The following SUZ12 variants were observed in gnomAD, a reference collection of about 807,000 sequenced individuals.
The protein encoded by SUZ12 is polycomb protein SUZ12.
Under a neutral mutation model 87.3 loss-of-function variants are expected in SUZ12, and 17 were observed. That is an observed-to-expected ratio of 0.19 (90% CI 0.13 to 0.29). The LOEUF (loss-of-function observed/expected upper bound fraction) is 0.29, where lower values mean the gene tolerates loss of function less well. Among genes scored for constraint, SUZ12 ranks in the 10% least tolerant of loss-of-function variants. SUZ12 has a pLI of 1.00. For synonymous variants in SUZ12, 253 were observed against 312.4 expected (o/e 0.81, Z 2.01); for missense variants, 526 against 912.2 (o/e 0.58, Z 5.45).
At chr17:31,940,576 C>T (rs1906213397) in intron 3 of SUZ12, 90 bp downstream of exon 3, 1 of 1,502,508 alleles carries the variant, frequency 6.7e-7, no homozygotes, top group Non-Finnish European at 8.9e-7. Context: ...AAAAAACGAA[C>T]AAAAATAAGT....
At chr17:31,943,780 A>G (rs1246665959) in intron 3 of SUZ12, among the ~76,000 whole-genome samples, 2 of 151,448 alleles carry the variant, frequency 1.3e-5, no homozygotes, top group African/African-American at 4.9e-5. Context: ...GGCTCACTGC[A>G]GTCTTCGCCT....
chr17:31,969,569 A>G (rs1301931546), intron 5 of SUZ12, among the ~76,000 whole-genome samples: 1 of 152,236 alleles, frequency 6.6e-6, no homozygotes, highest in Non-Finnish European at 1.5e-5. Flanking sequence ...TGCTAGGATT[A>G]TAGGCGTGAG....
chr17:31,962,539 C>T (rs1365201616), intron 4 of SUZ12, among the ~76,000 whole-genome samples: 3 of 152,150 alleles, frequency 2.0e-5, no homozygotes, highest in African/African-American at 4.8e-5. Context: ...TGCAGTGAGC[C>T]TAGATTGTGC....
intron 8 of SUZ12, among the ~76,000 whole-genome samples, chr17:31,978,976 C>T (rs549773343): frequency 2.0e-5 from 3 of 151,778 alleles, no homozygotes; most frequent in South Asian, 4.2e-4. Flanking sequence ...CCTGGTGGTG[C>T]GTGCCTGTAG....
At chr17:31,971,612 T>C (rs965535859) in intron 5 of SUZ12, among the ~76,000 whole-genome samples, 7 of 151,904 alleles carry the variant, frequency 4.6e-5, no homozygotes, top group African/African-American at 7.3e-5. Flanking sequence ...GTATTTTTAG[T>C]AGAGACGGGG....
At position 31,938,138 on chromosome 17, in the gene SUZ12, G is replaced by A. The variant is rs182795647; in HGVS notation, c.274+618G>A. On this transcript the variant is annotated intron_variant, in intron 1 of 15. Coordinates refer to ENST00000322652, the MANE Select transcript of SUZ12 (RefSeq NM_015355.4). ...CCCGGAATTCTGCTTTTTCTACCTG[G>A]CTTACAGAACATTTTCTTGCGTCAA... 7.9e-5 allele frequency among the ~76,000 whole-genome samples: 12 copies of A among 152,192 alleles called. No homozygotes were observed. The East Asian group carries it at 2.1e-3, about 27-fold the overall frequency.
At chr17:31,970,111 G>C (rs1188590181) in intron 5 of SUZ12, among the ~76,000 whole-genome samples, 1 of 152,018 alleles carries the variant, frequency 6.6e-6, no homozygotes, top group East Asian at 1.9e-4. Context: ...ACTTTTGTTT[G>C]GCAATTACTA....
At chr17:31,961,780 G>C (rs554392447) in intron 4 of SUZ12, among the ~76,000 whole-genome samples, 138 of 152,164 alleles carry the variant, frequency 9.1e-4, no homozygotes, top group African/African-American at 3.3e-3. Flanking sequence ...TATTCTCTGG[G>C]GTAAATAAAT....
rs1598147698 is a variant in SUZ12 at position 31,944,542 on chromosome 17, T to G, written c.387-3075T>G. ...GGTAGAGATAATTTTAAAAGCTTGG[T>G]TAAGTAAGAACTGATTTTCTTAATT... On this transcript the variant is annotated intron_variant, in intron 3 of 15. Coordinates refer to ENST00000322652, the MANE Select transcript of SUZ12 (RefSeq NM_015355.4). Among the ~76,000 whole-genome samples, 7 of 152,322 alleles carry G rather than the reference T, an allele frequency of 4.6e-5. 1 individual carries two copies. Among genetic ancestry groups the G allele is most frequent in the Admixed American group, 4.6e-4 (7 of 15,296 alleles).
At chr17:31,962,287 A>G (rs1262792926) in intron 4 of SUZ12, among the ~76,000 whole-genome samples, 1 of 151,866 alleles carries the variant, frequency 6.6e-6, no homozygotes. Flanking sequence ...AAAAAAAAAT[A>G]ATTGAATTAA....
intron 1 of SUZ12, among the ~76,000 whole-genome samples, chr17:31,939,406 GA>G (rs924921007): frequency 1.7e-4 from 25 of 145,604 alleles, no homozygotes; most frequent in African/African-American, 4.3e-4. Flanking sequence ...TTCAAAAAAA[GA>G]AAAAAAAAAT....
At chr17:31,986,666 C>G (rs1363514240) in intron 9 of SUZ12, among the ~76,000 whole-genome samples, 1 of 152,132 alleles carries the variant, frequency 6.6e-6, no homozygotes, top group African/African-American at 2.4e-5. Context: ...ATTCTCCTGC[C>G]TCAGCCTCCC....
chr17:31,970,105 T>G (rs934693588), intron 5 of SUZ12, among the ~76,000 whole-genome samples: 1 of 152,194 alleles, frequency 6.6e-6, no homozygotes, highest in Non-Finnish European at 1.5e-5. Context: ...ATGAAAACTT[T>G]TGTTTGGCAA....
intron 8 of SUZ12, 44 bp from the exon 9 acceptor site, chr17:31,982,955 G>A (rs1184867934): frequency 6.7e-7 from 1 of 1,497,198 alleles, no homozygotes; most frequent in African/African-American, 1.4e-5. Flanking sequence ...TGTACTTATA[G>A]TAATAACACA....
At chr17:31,938,120 TTC>T (rs1282966909) in intron 1 of SUZ12, among the ~76,000 whole-genome samples, 3 of 152,188 alleles carry the variant, frequency 2.0e-5, no homozygotes, top group Non-Finnish European at 1.5e-5. Flanking sequence ...GACCCCGGAA[TTC>T]TGCTTTTTCT....
chr17:31,967,746 G>T (rs1372104079), intron 5 of SUZ12, among the ~76,000 whole-genome samples: 1 of 152,126 alleles, frequency 6.6e-6, no homozygotes, highest in Non-Finnish European at 1.5e-5. Context: ...ATGTCCTGTA[G>T]TTCTAGGTAC....
chr17:31,981,664 TAAG>T (rs202136402), intron 8 of SUZ12, among the ~76,000 whole-genome samples: 8,805 of 152,284 alleles, frequency 0.058, 609 homozygotes, highest in African/African-American at 0.15. Context: ...TGACTAAATT[TAAG>T]TAGTACAGCA....
chr17:31,958,440 G>A (rs1907498481), intron 4 of SUZ12, among the ~76,000 whole-genome samples: 2 of 152,176 alleles, frequency 1.3e-5, no homozygotes, highest in African/African-American at 4.8e-5. Context: ...CCCAGGCATG[G>A]TGACTCACGC....
At position 31,937,446 on chromosome 17, in the gene SUZ12, C is replaced by G. The variant is rs943061517; in HGVS notation, c.200C>G (p.Ala67Gly). The G allele has an allele frequency of 1.3e-6, 2 of 1,540,652 alleles. No homozygotes were observed. Among genetic ancestry groups the G allele is most frequent in the Non-Finnish European group, 1.7e-6 (2 of 1,144,844 alleles). ...TCCGCGGCGGCAGCGGCGGGGGCTGCGGTGTTACCGGTGAAGAAGCCGAAA... is the reference window on the plus strand; with the variant it reads ...TCCGCGGCGGCAGCGGCGGGGGCTGGGGTGTTACCGGTGAAGAAGCCGAAA... ...SSSAAAAAGA[A>G]VLPVKKPKME... Residue 67 changes from alanine (A) to glycine (G), a missense_variant, in exon 1 of 16, where the codon GCG (alanine) becomes GGG (glycine). Physicochemically the swap from Ala to Gly is moderately conservative, Grantham distance 60. This residue lies in a region of SUZ12 where 92 missense variants were observed against 109.9 expected (regional missense o/e 0.84). Transcript: ENST00000322652.
Sources: gnomAD v4.1 joint callset for allele counts (sites outside exome capture counted in the v4.1 genomes callset) on GRCh38, gnomAD v4.1.1 for gene constraint, gnomAD v4.1.1 regional missense constraint, MANE v1.5 for transcripts, NCBI Gene and HGNC (gene_info 2026-07-23, HGNC 2026-07-21) for gene names.